Variants in RAB6A observed in about 807,000 individuals in gnomAD.
The protein encoded by RAB6A is RAB6A, member RAS oncogene family.
A neutral mutation model predicts 32.3 loss-of-function variants in RAB6A; 8 were observed. The observed-to-expected ratio is 0.25, with a 90% CI of 0.15 to 0.45. The LOEUF is 0.45. RAB6A is among the 20% of genes least tolerant of loss of function. RAB6A has a pLI of 1.00. For synonymous variants in RAB6A, 73 were observed against 82.1 expected, an observed-to-expected ratio of 0.89 and a Z score of 0.60; for missense variants, 104 against 249.4, an observed-to-expected ratio of 0.42 and a Z score of 3.93.
At chr11:73,734,171 G>A (rs1946359209) in intron 1 of RAB6A, among the ~76,000 whole-genome samples, 1 of 152,116 alleles carries the variant, frequency 6.6e-6, no homozygotes, top group Non-Finnish European at 1.5e-5. Context: ...TGTCGCCCAG[G>A]CTGGAGTGCA....
chr11:73,706,029 C>G (rs921779722), intron 6 of RAB6A, among the ~76,000 whole-genome samples: 1 of 152,050 alleles, frequency 6.6e-6, no homozygotes, highest in Non-Finnish European at 1.5e-5. Flanking sequence ...GCACAGGTAT[C>G]AAACCATGAC....
chr11:73,726,533 G>A (rs1408698703), intron 2 of RAB6A, among the ~76,000 whole-genome samples: 2 of 131,772 alleles, frequency 1.5e-5, no homozygotes, highest in Non-Finnish European at 3.1e-5. Context: ...AGTGAGCCGA[G>A]ATTGTGCCAC....
intron 1 of RAB6A, among the ~76,000 whole-genome samples, chr11:73,739,284 A>AAT (rs1555066941): frequency 3.0e-4 from 2 of 6,758 alleles, no homozygotes; most frequent in Middle Eastern, 0.05. Context: ...AAAAAAAAAA[A>AAT]ATATATATAT....
chr11:73,678,725 G>A (rs1308396922), intron 7 of RAB6A, among the ~76,000 whole-genome samples: 4 of 144,654 alleles, frequency 2.8e-5, no homozygotes, highest in Non-Finnish European at 6.0e-5. Flanking sequence ...TTGTTGTTGT[G>A]TTTTTTTTTT....
intron 6 of RAB6A, among the ~76,000 whole-genome samples, chr11:73,705,487 G>A (rs529728546): frequency 1.3e-5 from 2 of 152,286 alleles, no homozygotes; most frequent in African/African-American, 4.8e-5. Context: ...GGCAGAGGTT[G>A]CAGTGAGCCG....
intron 6 of RAB6A, among the ~76,000 whole-genome samples, chr11:73,701,244 G>C (rs1945741006): frequency 6.6e-6 from 1 of 152,034 alleles, no homozygotes; most frequent in Non-Finnish European, 1.5e-5. Flanking sequence ...CTGGTAAAAA[G>C]GCATGATTTT....
intron 6 of RAB6A, among the ~76,000 whole-genome samples, chr11:73,685,286 CTTTTTT>C (rs750488240): frequency 3.4e-5 from 4 of 117,264 alleles, no homozygotes; most frequent in Non-Finnish European, 5.1e-5. Context: ...TATAGAAAGT[CTTTTTT>C]TTTTTTTTTT....
At chr11:73,709,269 C>A (rs1287875412) in intron 5 of RAB6A, among the ~76,000 whole-genome samples, 1 of 151,716 alleles carries the variant, frequency 6.6e-6, no homozygotes, top group Non-Finnish European at 1.5e-5. Flanking sequence ...TCCTTTATAG[C>A]AAATTAAATA....
At chr11:73,711,366 A>G (rs1338060090) in intron 5 of RAB6A, among the ~76,000 whole-genome samples, 3 of 152,166 alleles carry the variant, frequency 2.0e-5, no homozygotes, top group African/African-American at 7.2e-5. Context: ...TATGTTACAT[A>G]CTACTTCACC....
intron 6 of RAB6A, among the ~76,000 whole-genome samples, chr11:73,702,094 T>G (rs1011729288): frequency 6.6e-6 from 1 of 152,216 alleles, no homozygotes; most frequent in Non-Finnish European, 1.5e-5. Flanking sequence ...ACATCGTTGT[T>G]GTTATAGGTT....
intron 1 of RAB6A, among the ~76,000 whole-genome samples, chr11:73,753,021 C>T (rs1169521904): frequency 1.3e-5 from 2 of 152,030 alleles, no homozygotes; most frequent in African/African-American, 2.4e-5. Context: ...GAGCTTGAGG[C>T]GGGAATCACT....
intron 6 of RAB6A, among the ~76,000 whole-genome samples, chr11:73,680,118 T>C (rs1565342576): frequency 6.6e-6 from 1 of 151,624 alleles, no homozygotes; most frequent in Admixed American, 6.6e-5. Flanking sequence ...AATAAATAAA[T>C]AATAAAATAA....
chr11:73,697,082 T>C (rs1945666386), intron 6 of RAB6A, among the ~76,000 whole-genome samples: 1 of 152,162 alleles, frequency 6.6e-6, no homozygotes, highest in African/African-American at 2.4e-5. Context: ...TTCACTCTAG[T>C]GTAACCTTAC....
At chr11:73,698,461 G>A (rs1447920988) in intron 6 of RAB6A, among the ~76,000 whole-genome samples, 2 of 152,130 alleles carry the variant, frequency 1.3e-5, no homozygotes, top group East Asian at 1.9e-4. Flanking sequence ...CTACTTCATA[G>A]GGATATTGTG....
intron 1 of RAB6A, among the ~76,000 whole-genome samples, chr11:73,731,524 CAG>C (rs1217871898): frequency 7.2e-6 from 1 of 138,110 alleles, no homozygotes; most frequent in Non-Finnish European, 1.6e-5. Context: ...AGCCTGGCAA[CAG>C]AGACTCCGTC....
intron 6 of RAB6A, among the ~76,000 whole-genome samples, chr11:73,683,762 G>A (rs1207199928): frequency 1.3e-5 from 2 of 151,026 alleles, no homozygotes; most frequent in South Asian, 2.1e-4. Context: ...CATGTTGGCC[G>A]GGCTAGTCTT....
intron 3 of RAB6A, 194 bp from the exon 4 acceptor site, chr11:73,718,912 A>AT: frequency 6.4e-7 from 1 of 1,551,014 alleles, no homozygotes; most frequent in Non-Finnish European, 8.7e-7. Flanking sequence ...GAAAAAATAA[A>AT]TAAAAAAAAA....
chr11:73,710,134 G>GTT (rs60147602), intron 5 of RAB6A, among the ~76,000 whole-genome samples: 37 of 140,046 alleles, frequency 2.6e-4, no homozygotes, highest in Middle Eastern at 3.7e-3. Context: ...AATTTTTTGT[G>GTT]TTTTTTTTTT....
chr11:73,702,990 G>C (rs1214600425), intron 6 of RAB6A, among the ~76,000 whole-genome samples: 2 of 151,740 alleles, frequency 1.3e-5, no homozygotes, highest in African/African-American at 4.9e-5. Flanking sequence ...CCGAGTAGCT[G>C]GGATTACAGG....
Sources: allele counts gnomAD v4.1 joint callset (sites outside exome capture counted in the v4.1 genomes callset), GRCh38; gene constraint gnomAD v4.1.1; transcripts MANE v1.5; gene names NCBI Gene and HGNC (gene_info 2026-07-23, HGNC 2026-07-21).